Variants in GPATCH2 observed in about 807,000 individuals in gnomAD.
GPATCH2 encodes G-patch domain containing 2.
Under a neutral mutation model 58.0 loss-of-function variants are expected in GPATCH2, and 51 were observed. The ratio of observed to expected loss-of-function variants is 0.88; its 90% CI spans 0.70 to 1.11. The LOEUF (loss-of-function observed/expected upper bound fraction) is 1.11, where lower values mean the gene tolerates loss of function less well. Ranked by LOEUF, GPATCH2 falls within the 50% of genes most tolerant of loss-of-function variation. The pLI is 0.00. For missense variants in GPATCH2, 625 were observed against 652.2 expected, an observed-to-expected ratio of 0.96 and a Z score of 0.45; for synonymous variants, 222 against 218.5, an observed-to-expected ratio of 1.02 and a Z score of -0.14.
rs532087408 is a variant in GPATCH2, at chr1:217,523,558, C to G, written c.1099-8669G>C. Among the ~76,000 whole-genome samples the G allele has an allele frequency of 4.0e-5, 6 of 151,802 alleles. No homozygotes were observed. In the South Asian group the frequency reaches 1.2e-3, roughly 31 times the overall value. The stretch of plus-strand genomic sequence containing the variant: ...CTTAGTACAGAACAAAATGAAAAGT[C>G]TCCCATGTCTACCTCTTTCTACACA... On this transcript the variant is annotated intron_variant, in intron 5 of 9. Transcript: ENST00000366935.
intron 2 of GPATCH2, among the ~76,000 whole-genome samples, chr1:217,615,144 TTAA>T (rs1441181921): frequency 6.6e-6 from 1 of 152,112 alleles, no homozygotes; most frequent in Non-Finnish European, 1.5e-5. Context: ...ATCTTATTTT[TTAA>T]TAAGGCATCC....
At chr1:217,539,503 G>A (rs747707509) in intron 5 of GPATCH2, among the ~76,000 whole-genome samples, 1 of 152,048 alleles carries the variant, frequency 6.6e-6, no homozygotes, top group Non-Finnish European at 1.5e-5. Context: ...TCAAGCCCAC[G>A]CTCAATAAAT....
intron 6 of GPATCH2, among the ~76,000 whole-genome samples, chr1:217,503,681 TATC>T (rs1662411904): frequency 6.6e-6 from 1 of 152,108 alleles, no homozygotes; most frequent in East Asian, 1.9e-4. Context: ...AAGAAAATGG[TATC>T]ATACCATTCA....
At chr1:217,498,287 C>A (rs899486335) in intron 7 of GPATCH2, 69 bp downstream of exon 7, 5 of 1,162,322 alleles carry the variant, frequency 4.3e-6, no homozygotes, top group Non-Finnish European at 6.5e-6. Flanking sequence ...GATCTACTCT[C>A]CTGAAGGGAG....
At chr1:217,494,046 C>T (rs1357999808) in intron 7 of GPATCH2, among the ~76,000 whole-genome samples, 2 of 152,028 alleles carry the variant, frequency 1.3e-5, no homozygotes, top group Non-Finnish European at 2.9e-5. Context: ...TACTAGGTTT[C>T]GATAGTTCTC....
intron 5 of GPATCH2, among the ~76,000 whole-genome samples, chr1:217,567,587 T>C (rs1222196339): frequency 6.6e-6 from 1 of 152,232 alleles, no homozygotes. Flanking sequence ...ACAGACATAA[T>C]GCAGGAGAAA....
rs1327337721 is a variant in GPATCH2 at position 217,498,258 on chromosome 1, T to C, written c.1206+98A>G. 8 of 927,876 alleles carry C rather than the reference T, an allele frequency of 8.6e-6. No homozygotes were observed. In the East Asian group the frequency reaches 1.7e-4, roughly 19 times the overall value. 57.5% of individuals were successfully genotyped at this position (927,876 alleles called of 1,614,324 possible). On this transcript the variant is annotated intron_variant, in intron 7 of 9. Coordinates refer to ENST00000366935, the MANE Select transcript of GPATCH2 (RefSeq NM_018040.5). ...ACCTTTTAAAATGAGCGGGGATTTG[T>C]ATTTTTTCTCATAAAGCTGATCTAC...
intron 5 of GPATCH2, among the ~76,000 whole-genome samples, chr1:217,524,000 C>T (rs1226718183): frequency 6.9e-6 from 1 of 145,794 alleles, no homozygotes; most frequent in Non-Finnish European, 1.5e-5. Context: ...GGCAGAGGGG[C>T]TCCTCACTTC....
At chr1:217,530,851 A>G (rs982694597) in intron 5 of GPATCH2, among the ~76,000 whole-genome samples, 2 of 152,204 alleles carry the variant, frequency 1.3e-5, no homozygotes, top group African/African-American at 4.8e-5. Flanking sequence ...TGTAAAGGTC[A>G]TGAGTTAAAA....
chr1:217,569,069 G>A (rs975897819), intron 5 of GPATCH2, among the ~76,000 whole-genome samples: 22 of 151,622 alleles, frequency 1.5e-4, no homozygotes, highest in African/African-American at 5.3e-4. Context: ...GTAAAAGGAT[G>A]ACAGCAAGGT....
intron 5 of GPATCH2, among the ~76,000 whole-genome samples, chr1:217,584,519 A>G (rs146469949): frequency 2.0e-5 from 3 of 151,418 alleles, no homozygotes; most frequent in South Asian, 2.1e-4. Context: ...AAAGAGTGAG[A>G]CTCCATCTCA....
chr1:217,589,373 C>T (rs1428139850), intron 5 of GPATCH2, among the ~76,000 whole-genome samples: 1 of 152,018 alleles, frequency 6.6e-6, no homozygotes, highest in Admixed American at 6.6e-5. Flanking sequence ...GAGTGGCTAC[C>T]CTGCTATTCT....
At chr1:217,463,932 A>T (rs1437298496) in intron 8 of GPATCH2, among the ~76,000 whole-genome samples, 1 of 152,174 alleles carries the variant, frequency 6.6e-6, no homozygotes, top group African/African-American at 2.4e-5. Context: ...GGTTCCACAC[A>T]TATCACCTAG....
rs139504617 is a variant in GPATCH2, at chr1:217,459,455, C to G, written c.1278-10118G>C. Among the ~76,000 whole-genome samples, 4 of 152,308 alleles carry G rather than the reference C, an allele frequency of 2.6e-5. No individual in the cohort carries two copies. The East Asian group carries it at 5.8e-4, about 22-fold the overall frequency. On this transcript the variant is annotated intron_variant, in intron 8 of 9. Coordinates refer to ENST00000366935, the MANE Select transcript of GPATCH2 (RefSeq NM_018040.5). ...GAGTATTCTTTTATTCTTCACACCA[C>G]AGTACCTAGGAAATAGTAGGCACTT...
chr1:217,430,952 T>G lies in GPATCH2; in HGVS notation c.*193A>C. On this transcript the variant is annotated 3_prime_UTR_variant, in exon 10 of 10. Transcript: ENST00000366935. ...CTGAAAAAAATTAAAGTGCAGAGGTTTTCATTTTAGCACCATGAATTGTGA... is the reference window on the plus strand; with the variant it reads ...CTGAAAAAAATTAAAGTGCAGAGGTGTTCATTTTAGCACCATGAATTGTGA... 1 of 592,596 alleles carries G rather than the reference T, an allele frequency of 1.7e-6. No individual in the cohort carries two copies. The highest frequency in any genetic ancestry group is 2.8e-5 in the East Asian group (1 of 35,824). The allele number at this position is 592,596 out of a possible 1,614,324, so 36.7% of individuals were successfully genotyped here. A position where few individuals can be genotyped will look rare whatever the true frequency, so the allele number is the denominator to read the frequency against.
At chr1:217,606,472 A>T (rs1388141936) in intron 5 of GPATCH2, among the ~76,000 whole-genome samples, 1 of 152,176 alleles carries the variant, frequency 6.6e-6, no homozygotes, top group African/African-American at 2.4e-5. Flanking sequence ...ATAAAATATG[A>T]ACAAGCCAGT....
chr1:217,582,925 C>T (rs1393149003), intron 5 of GPATCH2, among the ~76,000 whole-genome samples: 1 of 152,156 alleles, frequency 6.6e-6, no homozygotes, highest in Non-Finnish European at 1.5e-5. Flanking sequence ...CTGAAATACA[C>T]CATTCACTGT....
chr1:217,613,022 T>C (rs1668706433), intron 3 of GPATCH2, among the ~76,000 whole-genome samples: 1 of 152,112 alleles, frequency 6.6e-6, no homozygotes, highest in Non-Finnish European at 1.5e-5. Context: ...GTCAAAGTTT[T>C]TTTTTACTTT....
intron 5 of GPATCH2, among the ~76,000 whole-genome samples, chr1:217,525,247 G>C (rs1423449128): frequency 6.6e-6 from 1 of 151,616 alleles, no homozygotes; most frequent in Non-Finnish European, 1.5e-5. Context: ...TGGTTCACAG[G>C]GTTATCTAGC....
Sources: allele counts gnomAD v4.1 joint callset (sites outside exome capture counted in the v4.1 genomes callset), GRCh38; gene constraint gnomAD v4.1.1; transcripts MANE v1.5; gene names NCBI Gene and HGNC (gene_info 2026-07-23, HGNC 2026-07-21).